LMBRD2: variants seen among roughly 807,000 people sequenced by gnomAD.
LMBRD2 encodes LMBR1 domain containing 2, also known as G protein-coupled receptor-associated protein LMBRD2.
In LMBRD2, 55 loss-of-function variants were observed where a neutral mutation model predicts 94.4. The ratio of observed to expected loss-of-function variants is 0.58; its 90% CI spans 0.47 to 0.73. LMBRD2 has a LOEUF of 0.73. Among genes scored for constraint, LMBRD2 ranks in the 30% least tolerant of loss-of-function variants. LMBRD2 has a pLI of 0.00. For missense variants in LMBRD2, 640 were observed against 831.9 expected, an observed-to-expected ratio of 0.77 and a Z score of 2.84; for synonymous variants, 246 against 272.4, an observed-to-expected ratio of 0.90 and a Z score of 0.95.
intron 11 of LMBRD2, among the ~76,000 whole-genome samples, chr5:36,115,851 T>C (rs1201266863): frequency 2.0e-5 from 3 of 152,222 alleles, no homozygotes; most frequent in Non-Finnish European, 4.4e-5. Context: ...GAAGGTTACA[T>C]AGGACTTTTT....
At position 36,099,259 on chromosome 5, in the gene LMBRD2, A is replaced by T. The variant is rs1318103467; in HGVS notation, c.*4787T>A. The T allele has an allele frequency of 6.6e-6, 1 of 152,152 alleles. No homozygotes were observed. The highest frequency in any genetic ancestry group is 1.5e-5 in the Non-Finnish European group (1 of 67,980). The allele number at this position is 152,152 out of a possible 1,614,324, so 9.4% of individuals were successfully genotyped here. On this transcript the variant is annotated 3_prime_UTR_variant, in exon 18 of 18. Transcript: ENST00000296603. ...ACTACAATTAGTTACTTACAAAAAC[A>T]TTTATAAAAATTAAATATCAGAAAG...
chr5:36,117,356 T>C (rs1743781804), intron 10 of LMBRD2, among the ~76,000 whole-genome samples: 1 of 152,100 alleles, frequency 6.6e-6, no homozygotes, highest in Non-Finnish European at 1.5e-5. Context: ...TGCATGGCTG[T>C]AGGCCCAGCT....
chr5:36,109,846 T>G, intron 15 of LMBRD2, 99 bp downstream of exon 15: 1 of 879,008 alleles, frequency 1.1e-6, no homozygotes, highest in Non-Finnish European at 1.8e-6. Flanking sequence ...TTTCCACTGT[T>G]TTTTTCTGTC....
In LMBRD2 at chr5:36,151,766, C is replaced by T. The variant is rs1176010966; in HGVS notation, c.-268G>A. ...GACGGGACCGGGAAACGGCGGCCGC[C>T]ACAGCTGTCCAGGTTCTGGGATCCA... On this transcript the variant is annotated 5_prime_UTR_variant, in exon 1 of 18. Coordinates refer to ENST00000296603, the MANE Select transcript of LMBRD2 (RefSeq NM_001007527.2). This position sits in a 1 kb window ranked among gnomAD's most constrained non-coding sequence, Gnocchi z 4.7. The T allele has an allele frequency of 5.7e-6, 1 of 176,714 alleles. No individual in the cohort carries two copies. Among genetic ancestry groups the T allele is most frequent in the Non-Finnish European group, 1.2e-5 (1 of 81,208 alleles). 10.9% of individuals were successfully genotyped at this position (176,714 alleles called of 1,614,324 possible).
chr5:36,113,636 T>C (rs1237090419), intron 13 of LMBRD2, among the ~76,000 whole-genome samples: 3 of 152,190 alleles, frequency 2.0e-5, no homozygotes, highest in African/African-American at 4.8e-5. Flanking sequence ...TAAAATGGTA[T>C]TGGAAGATTT....
intron 3 of LMBRD2, among the ~76,000 whole-genome samples, chr5:36,141,523 T>C (rs1175984003): frequency 6.6e-6 from 1 of 151,680 alleles, no homozygotes. Flanking sequence ...TAAAAGCAAA[T>C]GTATTATGAA....
At chr5:36,109,889 TAAG>T (rs1743563166) in intron 15 of LMBRD2, 53 bp downstream of exon 15, 3 of 1,288,768 alleles carry the variant, frequency 2.3e-6, no homozygotes, top group Non-Finnish European at 3.3e-6. Context: ...GTAAGATTCT[TAAG>T]AAATTAAATT....
intron 4 of LMBRD2, among the ~76,000 whole-genome samples, chr5:36,138,965 G>C (rs1026666004): frequency 2.7e-4 from 41 of 152,172 alleles, no homozygotes; most frequent in Admixed American, 1.7e-3. Flanking sequence ...CAGTGTGGGG[G>C]GACTGGCGGG....
At chr5:36,139,461 G>A (rs763177923) in intron 4 of LMBRD2, among the ~76,000 whole-genome samples, 2 of 152,196 alleles carry the variant, frequency 1.3e-5, no homozygotes, top group Non-Finnish European at 2.9e-5. Flanking sequence ...GCAGGTCCCC[G>A]GTGAAGCCCC....
chr5:36,123,987 C>A (rs1197474931), intron 7 of LMBRD2, among the ~76,000 whole-genome samples: 1 of 151,680 alleles, frequency 6.6e-6, no homozygotes, highest in Non-Finnish European at 1.5e-5. Flanking sequence ...CTCCATATTT[C>A]AATAGAAAAT....
At chr5:36,137,736 A>G (rs1199594824) in intron 4 of LMBRD2, among the ~76,000 whole-genome samples, 3 of 152,156 alleles carry the variant, frequency 2.0e-5, no homozygotes, top group African/African-American at 4.8e-5. Context: ...CGGAGAATGG[A>G]TAAAAGGGGA....
Position 36,100,281 on chromosome 5 carries a change from T to C in LMBRD2, c.*3765A>G, listed in dbSNP as rs1027694690. ...ACACTGAAAACAATTTATTTACTGA[T>C]GTGTCCTCTTTAGTGACCTAAAAGA... On this transcript the variant is annotated 3_prime_UTR_variant, in exon 18 of 18. Transcript: ENST00000296603. 2 of 152,176 alleles carry C rather than the reference T, an allele frequency of 1.3e-5. No individual in the cohort carries two copies. The highest frequency in any genetic ancestry group is 2.9e-5 in the Non-Finnish European group (2 of 68,016). The allele number at this position is 152,176 out of a possible 1,614,324, so 9.4% of individuals were successfully genotyped here.
At position 36,122,922 on chromosome 5, in the gene LMBRD2, C is replaced by T. The variant is rs1743922227; in HGVS notation, c.862G>A (p.Asp288Asn). The T allele has an allele frequency of 6.3e-7, 1 of 1,575,292 alleles. No homozygotes were observed. The highest frequency in any genetic ancestry group is 2.4e-5 in the East Asian group (1 of 42,472). ...EYQEKMGRNM[D>N]DYEDFDEKHS... Reference sequence around the variant, plus strand: ...TTTTCATCAAAATCTTCATAATCATCCATGTTCCTACCCATTTTTTCCTGA... The same window carrying T: ...TTTTCATCAAAATCTTCATAATCATTCATGTTCCTACCCATTTTTTCCTGA... The change falls in exon 8 of 18, where the codon GAT becomes AAT. Residue 288 changes from aspartate (D) to asparagine (N), a missense_variant. Around this residue, in one of 2 missense-constraint regions of LMBRD2, gnomAD observed 457 missense variants for 642.8 expected, o/e 0.71. Transcript: ENST00000296603.
At chr5:36,118,536 A>T (rs1287033891) in intron 9 of LMBRD2, among the ~76,000 whole-genome samples, 3 of 152,180 alleles carry the variant, frequency 2.0e-5, no homozygotes, top group African/African-American at 7.2e-5. Context: ...TCTGGATACA[A>T]CTCTAAAATA....
rs779159434 is a variant in LMBRD2, at chr5:36,122,934, C to G, written c.850G>C (p.Gly284Arg). 2 of 1,558,052 alleles carry G rather than the reference C, an allele frequency of 1.3e-6. No individual in the cohort carries two copies. Among genetic ancestry groups the G allele is most frequent in the African/African-American group, 2.9e-5 (2 of 70,088 alleles). Reference sequence around the variant, plus strand: ...TCTTCATAATCATCCATGTTCCTACCCATTTTTTCCTGATACTCTGTAGGG... The same window carrying G: ...TCTTCATAATCATCCATGTTCCTACGCATTTTTTCCTGATACTCTGTAGGG... ...KCPTEYQEKM[G>R]RNMDDYEDFD... Residue 284 changes from glycine (G) to arginine (R), a missense_variant, in exon 8 of 18, where the codon GGT becomes CGT. Coordinates refer to ENST00000296603, the MANE Select transcript of LMBRD2 (RefSeq NM_001007527.2).
At chr5:36,149,659 C>A (rs1194872750) in intron 1 of LMBRD2, among the ~76,000 whole-genome samples, 1 of 152,344 alleles carries the variant, frequency 6.6e-6, no homozygotes, top group South Asian at 2.1e-4. Flanking sequence ...GTAATCTCAG[C>A]ACTTTAGGAG....
At position 36,151,065 on chromosome 5, in the gene LMBRD2, T is replaced by C. The variant is rs1377068275; in HGVS notation, c.-58+491A>G. ...CACAGTTGTAGTATAGTTTGCCCAA[T>C]GGATTTCGCATGGTCATTGTACCTG... On this transcript the variant is annotated intron_variant, in intron 1 of 17. Coordinates refer to ENST00000296603, the MANE Select transcript of LMBRD2 (RefSeq NM_001007527.2). This position sits in a 1 kb window ranked among gnomAD's most constrained non-coding sequence, Gnocchi z 4.7. Among the ~76,000 whole-genome samples the C allele has an allele frequency of 6.6e-6, 1 of 152,188 alleles. No homozygotes were observed. Among genetic ancestry groups the C allele is most frequent in the African/African-American group, 2.4e-5 (1 of 41,444 alleles).
chr5:36,122,523 C>T, intron 8 of LMBRD2, 60 bp from the exon 9 acceptor site: 9 of 1,361,538 alleles, frequency 6.6e-6, no homozygotes, highest in African/African-American at 1.5e-5. Flanking sequence ...GTTCAACTCT[C>T]CACTAGGGAG....
chr5:36,141,256 T>A, intron 3 of LMBRD2, 54 bp from the exon 4 acceptor site: 1 of 1,027,338 alleles, frequency 9.7e-7, no homozygotes, highest in South Asian at 1.4e-5. Context: ...TTAAATGAAT[T>A]ATACAATTAA....
Sources: allele counts gnomAD v4.1 joint callset (sites outside exome capture counted in the v4.1 genomes callset), GRCh38; gene constraint gnomAD v4.1.1; regional missense constraint gnomAD v4.1.1; non-coding constraint Gnocchi (gnomAD v3.1); transcripts MANE v1.5; gene names NCBI Gene and HGNC (gene_info 2026-07-23, HGNC 2026-07-21).